Variants in WIPF1 observed in about 807,000 individuals in gnomAD.
The protein encoded by WIPF1 is WAS/WASL-interacting protein family member 1.
A neutral mutation model predicts 35.4 loss-of-function variants in WIPF1; 13 were observed. The observed-to-expected ratio is 0.37, with a 90% CI of 0.24 to 0.58. The LOEUF (loss-of-function observed/expected upper bound fraction) is 0.58, where lower values mean the gene tolerates loss of function less well. Ranked by LOEUF, WIPF1 falls within the 20% of genes least tolerant of loss-of-function variation. WIPF1 has a pLI of 0.74. For synonymous variants in WIPF1, 267 were observed against 266.3 expected, an observed-to-expected ratio of 1.00 and a Z score of -0.02; for missense variants, 591 against 667.0, an observed-to-expected ratio of 0.89 and a Z score of 1.25.
chr2:174,563,389 T>C (rs1294751192), intron 7 of WIPF1, among the ~76,000 whole-genome samples: 3 of 152,044 alleles, frequency 2.0e-5, no homozygotes, highest in East Asian at 3.9e-4. Context: ...CTGGGCAACA[T>C]AGCAAAACCC....
At chr2:174,573,498 G>A (rs752158257) in intron 4 of WIPF1, among the ~76,000 whole-genome samples, 18 of 152,168 alleles carry the variant, frequency 1.2e-4, no homozygotes, top group Non-Finnish European at 2.1e-4. Context: ...CACTAAAATA[G>A]GCCGATGAGA....
Position 174,571,686 on chromosome 2 carries a change from T to C in WIPF1, c.1119A>G (p.Pro373=), listed in dbSNP as rs1319656556. 1 of 1,614,136 alleles carries C rather than the reference T, an allele frequency of 6.2e-7. No individual in the cohort carries two copies. The part of the protein sequence containing the change: ...ERPPPPVRDP[P]GRSGPLPPPP... ...CACGTCTTGTCATACCTGATCGGCC[T>C]GGCGGGTCCCTCACTGGAGGTGGGG... The change falls in exon 5 of 8, where the codon CCA becomes CCG. Residue 373 remains proline (P), a synonymous_variant. Coordinates refer to ENST00000679041, the MANE Select transcript of WIPF1 (RefSeq NM_001375834.1). The surrounding 1 kb of genome is among the most constrained non-coding windows in gnomAD (Gnocchi z 4.6).
intron 1 of WIPF1, among the ~76,000 whole-genome samples, chr2:174,653,076 T>C (rs1206871663): frequency 2.0e-5 from 3 of 152,210 alleles, no homozygotes; most frequent in Admixed American, 2.0e-4. Flanking sequence ...CAGTAGTCCT[T>C]TGGGGTGGGT....
chr2:174,575,354 C>A lies in WIPF1; in HGVS notation c.208G>T (p.Gly70Cys). ...CCGCCTCCACCAAAGCCACCACCACCGCCTCCAGCACCAGCTCCTTTAGGT... is the reference window on the plus strand; with the variant it reads ...CCGCCTCCACCAAAGCCACCACCACAGCCTCCAGCACCAGCTCCTTTAGGT... ...DKPKGAGAGG[G>C]GGGFGGGGGF... The change falls in exon 4 of 8, where the codon GGT (glycine) becomes TGT (cysteine). Residue 70 changes from glycine (G) to cysteine (C), a missense_variant. Physicochemically the swap from Gly to Cys is radical, Grantham distance 159. This residue lies in a region of WIPF1 where 471 missense variants were observed against 501.1 expected (regional missense o/e 0.94). Transcript: ENST00000679041. The A allele has an allele frequency of 1.2e-6, 2 of 1,612,864 alleles. No homozygotes were observed. The highest frequency in any genetic ancestry group is 2.2e-5 in the South Asian group (2 of 90,852).
At chr2:174,667,949 G>T (rs1342724309) in intron 1 of WIPF1, among the ~76,000 whole-genome samples, 1 of 151,940 alleles carries the variant, frequency 6.6e-6, no homozygotes, top group East Asian at 1.9e-4. Flanking sequence ...CTGCTTTTTT[G>T]CCTGGGACTG....
chr2:174,571,654 C>T lies in WIPF1; in HGVS notation c.1129+22G>A. 6.2e-7 allele frequency: 1 copy of T among 1,614,114 alleles called. No individual in the cohort carries two copies. The highest frequency in any genetic ancestry group is 8.5e-7 in the Non-Finnish European group (1 of 1,180,040). ...TGGGCAGGCTGGGTTTTGGAAGCAA[C>T]TCACTCCACGTCTTGTCATACCTGA... On this transcript the variant is annotated intron_variant, in intron 5 of 7. Coordinates refer to ENST00000679041, the MANE Select transcript of WIPF1 (RefSeq NM_001375834.1). The surrounding 1 kb of genome is among the most constrained non-coding windows in gnomAD (Gnocchi z 4.6).
chr2:174,620,089 T>A (rs1357388324), intron 1 of WIPF1, among the ~76,000 whole-genome samples: 1 of 152,234 alleles, frequency 6.6e-6, no homozygotes, highest in African/African-American at 2.4e-5. Flanking sequence ...TAATAAAATG[T>A]CAAAGGGCCA....
intron 3 of WIPF1, among the ~76,000 whole-genome samples, chr2:174,578,652 A>G (rs1306574340): frequency 1.3e-5 from 2 of 151,940 alleles, no homozygotes; most frequent in Non-Finnish European, 1.5e-5. Flanking sequence ...ACTTTTATTC[A>G]TTTTTATTTC....
chr2:174,677,542 G>C (rs1427050365), intron 1 of WIPF1, among the ~76,000 whole-genome samples: 1 of 152,220 alleles, frequency 6.6e-6, no homozygotes, highest in Non-Finnish European at 1.5e-5. Flanking sequence ...TCAGCAAATG[G>C]AGAAGAGAAC....
At position 174,622,939 on chromosome 2, in the gene WIPF1, A is replaced by C. The variant is rs1289528987; in HGVS notation, c.-38-37328T>G. On this transcript the variant is annotated intron_variant, in intron 1 of 8. Coordinates refer to the WIPF1 transcript ENST00000272746. The surrounding 1 kb of genome is among the most constrained non-coding windows in gnomAD (Gnocchi z 5.1). ...GGTGTTCTATTTGTTGTTGTTAACAAAATGATTTTCAATTATGAATTATCT... is the reference window on the plus strand; with the variant it reads ...GGTGTTCTATTTGTTGTTGTTAACACAATGATTTTCAATTATGAATTATCT... Among the ~76,000 whole-genome samples, 1 of 152,184 alleles carries C rather than the reference A, an allele frequency of 6.6e-6. No individual in the cohort carries two copies. Among genetic ancestry groups the C allele is most frequent in the Non-Finnish European group, 1.5e-5 (1 of 68,028 alleles).
At chr2:174,595,823 T>C (rs1434441924) in intron 1 of WIPF1, among the ~76,000 whole-genome samples, 1 of 152,242 alleles carries the variant, frequency 6.6e-6, no homozygotes, top group Non-Finnish European at 1.5e-5. Context: ...GAGGTATTTA[T>C]GGAAGTCCAG....
intron 1 of WIPF1, among the ~76,000 whole-genome samples, chr2:174,606,394 C>CT (rs1250846416): frequency 6.6e-6 from 1 of 152,136 alleles, no homozygotes; most frequent in African/African-American, 2.4e-5. Flanking sequence ...ATTTTATACT[C>CT]TTTTTTTCAC....
intron 6 of WIPF1, among the ~76,000 whole-genome samples, 160 bp from the exon 7 acceptor site, chr2:174,567,343 C>G (rs935980569): frequency 1.3e-5 from 2 of 152,200 alleles, no homozygotes; most frequent in Admixed American, 1.3e-4. Flanking sequence ...ACAAAGGTCA[C>G]GAATTAGTAC....
chr2:174,630,583 C>G (rs1991600), intron 1 of WIPF1: 2 of 151,920 alleles, frequency 1.3e-5, no homozygotes, highest in Non-Finnish European at 2.9e-5. Flanking sequence ...GAAGGGGACA[C>G]TTAGAGCTTT....
chr2:174,643,840 A>G (rs1207380819), intron 1 of WIPF1, among the ~76,000 whole-genome samples: 6 of 152,010 alleles, frequency 3.9e-5, no homozygotes, highest in African/African-American at 7.3e-5. Flanking sequence ...TATTTTTTTT[A>G]CATTCAATCC....
intron 1 of WIPF1, among the ~76,000 whole-genome samples, chr2:174,652,152 C>G (rs1373495303): frequency 6.6e-6 from 1 of 152,162 alleles, no homozygotes; most frequent in Admixed American, 6.5e-5. Flanking sequence ...CTGCCGTACT[C>G]CCTTGGTCAA....
At chr2:174,660,987 G>C (rs1202165123) in intron 1 of WIPF1, among the ~76,000 whole-genome samples, 1 of 152,256 alleles carries the variant, frequency 6.6e-6, no homozygotes, top group African/African-American at 2.4e-5. Context: ...AGAGGGGCGA[G>C]GGGCATGTCC....
rs374173410 is a variant in WIPF1, at chr2:174,581,468, C to T, written c.52-29G>A. 50 of 1,609,350 alleles carry T rather than the reference C, an allele frequency of 3.1e-5. No individual in the cohort carries two copies. In the African/African-American group the frequency reaches 6.4e-4, roughly 21 times the overall value. ...AAAGGGAGCCATACAAACAAGTAGT[C>T]ATCTCTTGGGTTAAAATCATGCATT... On this transcript the variant is annotated intron_variant, in intron 2 of 7. Coordinates refer to ENST00000679041, the MANE Select transcript of WIPF1 (RefSeq NM_001375834.1).
intron 1 of WIPF1, among the ~76,000 whole-genome samples, chr2:174,634,911 C>T (rs533963927): frequency 3.3e-5 from 5 of 152,286 alleles, no homozygotes; most frequent in South Asian, 4.1e-4. Context: ...AGGGGCAGAG[C>T]GCTCACAGAG....
Sources: allele counts gnomAD v4.1 joint callset (sites outside exome capture counted in the v4.1 genomes callset), GRCh38; gene constraint gnomAD v4.1.1; regional missense constraint gnomAD v4.1.1; non-coding constraint Gnocchi (gnomAD v3.1); transcripts MANE v1.5; gene names NCBI Gene and HGNC (gene_info 2026-07-23, HGNC 2026-07-21).